The following ITM2C variants were observed in gnomAD, a reference collection of about 807,000 sequenced individuals.
The protein encoded by ITM2C is BRICHOS domain containing 2C.
A neutral mutation model predicts 30.0 loss-of-function variants in ITM2C; 20 were observed. The observed-to-expected ratio is 0.67, with a 90% CI of 0.47 to 0.97. The LOEUF (loss-of-function observed/expected upper bound fraction) is 0.97, where lower values mean the gene tolerates loss of function less well. Ranked by LOEUF, ITM2C falls within the 50% of genes least tolerant of loss-of-function variation. The pLI is 0.00. For synonymous variants in ITM2C, 167 were observed against 156.4 expected (o/e 1.07, Z -0.51); for missense variants, 366 against 371.9 (o/e 0.98, Z 0.13).
chr2:230,877,535 C>T lies in ITM2C; in HGVS notation c.697C>T (p.Arg233Trp), dbSNP rs769655575. The T allele has an allele frequency of 2.7e-5, 43 of 1,613,568 alleles. No homozygotes were observed. The highest frequency in any genetic ancestry group is 1.1e-4 in the East Asian group (5 of 44,900). The change falls in exon 5 of 6, where the codon CGG becomes TGG. Residue 233 changes from arginine (R) to tryptophan (W), a missense_variant. By Grantham distance (101) the Arg-to-Trp change is moderately radical (BLOSUM62 -3). Coordinates refer to ENST00000326427, the MANE Select transcript of ITM2C (RefSeq NM_030926.6). The surrounding 1 kb of genome is among the most constrained non-coding windows in gnomAD (Gnocchi z 4.8). The part of the protein sequence containing the change: ...NGKDTYRLRR[R>W]ATRRRINKRG... ...GAAAGACACCTACCGGCTCCGGCGCCGGGCAACGCGGAGGCGTGAGTGGCT... is the reference window on the plus strand; with the variant it reads ...GAAAGACACCTACCGGCTCCGGCGCTGGGCAACGCGGAGGCGTGAGTGGCT...
intron 1 of ITM2C, among the ~76,000 whole-genome samples, chr2:230,872,916 C>T (rs1329810116): frequency 6.6e-6 from 1 of 152,134 alleles, no homozygotes; most frequent in Non-Finnish European, 1.5e-5. Flanking sequence ...TGGATCTTGT[C>T]ACTCCCCAGC....
chr2:230,875,034 CT>C (rs1559157782), intron 2 of ITM2C, among the ~76,000 whole-genome samples: 1 of 151,944 alleles, frequency 6.6e-6, no homozygotes, highest in Non-Finnish European at 1.5e-5. Flanking sequence ...TTGCCTCCAG[CT>C]CCACCTCCCC....
chr2:230,875,514 G>T (rs959387468), intron 2 of ITM2C, 106 bp from the exon 3 acceptor site: 17 of 966,084 alleles, frequency 1.8e-5, no homozygotes, highest in Middle Eastern at 3.5e-4. Flanking sequence ...TCTTGCTTCC[G>T]CAGGCTTTTG....
chr2:230,876,605 C>T (rs1252237475), intron 3 of ITM2C, among the ~76,000 whole-genome samples: 2 of 152,192 alleles, frequency 1.3e-5, no homozygotes, highest in Non-Finnish European at 2.9e-5. Context: ...CCTCAGCCCC[C>T]CGAGTAGCTG....
Position 230,877,416 on chromosome 2 carries a change from C to A in ITM2C, c.578C>A (p.Pro193Gln), listed in dbSNP as rs780501462. ...GTTTTGCAGAGGGGGACCTACCTGC[C>A]GCAGACGTACATCATCCAGGAGGAG... Reference protein sequence around the residue: ...LMNVKRGTYLPQTYIIQEEMV... With the variant: ...LMNVKRGTYLQQTYIIQEEMV... The change falls in exon 5 of 6, where the codon CCG (proline) becomes CAG (glutamine). Residue 193 changes from proline (P) to glutamine (Q), a missense_variant. Transcript: ENST00000326427. The surrounding 1 kb of genome is among the most constrained non-coding windows in gnomAD (Gnocchi z 4.8). 3 of 1,613,732 alleles carry A rather than the reference C, an allele frequency of 1.9e-6. No homozygotes were observed. Among genetic ancestry groups the A allele is most frequent in the Non-Finnish European group, 2.5e-6 (3 of 1,179,958 alleles).
rs755456944 is a variant in ITM2C, at chr2:230,873,530, C to T, written c.234C>T (p.Tyr78=). Residue 78 remains tyrosine, a synonymous_variant, in exon 2 of 6, where the codon TAC becomes TAT. Coordinates refer to ENST00000326427, the MANE Select transcript of ITM2C (RefSeq NM_030926.6). ...TGGGCCTCGTGTTCGCCTCTGTCTACATCTACAGATACTTCTTCCTTGCGC... is the reference window on the plus strand; with the variant it reads ...TGGGCCTCGTGTTCGCCTCTGTCTATATCTACAGATACTTCTTCCTTGCGC... ...LLMGLVFASV[Y]IYRYFFLAQL... The T allele has an allele frequency of 1.9e-5, 30 of 1,609,386 alleles. No homozygotes were observed. The highest frequency in any genetic ancestry group is 2.5e-5 in the Non-Finnish European group (29 of 1,178,276).
intron 3 of ITM2C, 77 bp from the exon 4 acceptor site, chr2:230,876,780 G>A (rs766091097): frequency 1.1e-5 from 11 of 980,988 alleles, no homozygotes; most frequent in Non-Finnish European, 1.6e-5. Flanking sequence ...GCGCCTGGCT[G>A]GCCAAAGCTT....
intron 1 of ITM2C, among the ~76,000 whole-genome samples, chr2:230,871,338 T>C (rs898145126): frequency 2.6e-5 from 4 of 152,250 alleles, no homozygotes; most frequent in Non-Finnish European, 4.4e-5. Context: ...AGGGCATCCC[T>C]GGTGCCTGGT....
At position 230,865,333 on chromosome 2, in the gene ITM2C, G is replaced by C. The variant is rs1030830401; in HGVS notation, c.120+188G>C. 54 of 565,364 alleles carry C rather than the reference G, an allele frequency of 9.6e-5. No individual in the cohort carries two copies. The highest frequency in any genetic ancestry group is 1.3e-4 in the Non-Finnish European group (51 of 378,654). The allele number at this position is 565,364 out of a possible 1,614,324, so 35.0% of individuals were successfully genotyped here. On this transcript the variant is annotated intron_variant, in intron 1 of 5. Coordinates refer to ENST00000326427, the MANE Select transcript of ITM2C (RefSeq NM_030926.6). The surrounding 1 kb of genome is among the most constrained non-coding windows in gnomAD (Gnocchi z 6.8). ...GGGGGCTTAAGTCCCGTACTAAAGC[G>C]GCAGCCAAAAGCTGAAGTCCGAAGA...
At chr2:230,874,295 C>T (rs1364928520) in intron 2 of ITM2C, among the ~76,000 whole-genome samples, 1 of 152,184 alleles carries the variant, frequency 6.6e-6, no homozygotes, top group Non-Finnish European at 1.5e-5. Context: ...GAAGAGTTTG[C>T]ATTCACGGGG....
At chr2:230,874,682 G>A (rs1001969945) in intron 2 of ITM2C, among the ~76,000 whole-genome samples, 21 of 152,174 alleles carry the variant, frequency 1.4e-4, no homozygotes, top group Admixed American at 1.4e-3. Context: ...CCCATGCTGC[G>A]ATGACGCATC....
intron 3 of ITM2C, among the ~76,000 whole-genome samples, chr2:230,876,600 G>GC (rs924113596): frequency 7.2e-5 from 11 of 152,222 alleles, no homozygotes; most frequent in African/African-American, 1.4e-4. Context: ...TCCCGCCTCA[G>GC]CCCCCCGAGT....
At chr2:230,868,330 G>A (rs956229625) in intron 1 of ITM2C, among the ~76,000 whole-genome samples, 11 of 152,190 alleles carry the variant, frequency 7.2e-5, no homozygotes, top group East Asian at 1.9e-4. Context: ...GGGCTGGACC[G>A]GAAGCACCCC....
chr2:230,875,236 CCCCTTTT>C (rs1424049506), intron 2 of ITM2C, among the ~76,000 whole-genome samples: 15 of 152,190 alleles, frequency 9.9e-5, no homozygotes, highest in African/African-American at 3.4e-4. Flanking sequence ...TGCTGGGCCA[CCCCTTTT>C]CCCAGTCACC....
upstream of ITM2C, chr2:230,864,656 T>C (rs564106772): frequency 1.4e-3 from 216 of 154,770 alleles, no homozygotes; most frequent in Non-Finnish European, 2.3e-3. This position sits in a 1 kb window ranked among gnomAD's most constrained non-coding sequence, Gnocchi z 4.3. Flanking sequence ...GCGAAGGGAT[T>C]ATGCTACGGA....
At chr2:230,871,636 A>G (rs961940870) in intron 1 of ITM2C, among the ~76,000 whole-genome samples, 1 of 152,220 alleles carries the variant, frequency 6.6e-6, no homozygotes, top group African/African-American at 2.4e-5. Flanking sequence ...CGGCCTCCTC[A>G]TGGGCCAGGC....
chr2:230,871,821 T>C (rs1177295070), intron 1 of ITM2C, among the ~76,000 whole-genome samples: 4 of 152,320 alleles, frequency 2.6e-5, no homozygotes. Flanking sequence ...TTTTCTGTCC[T>C]TTTCCTAAGC....
Position 230,865,056 on chromosome 2 carries a change from G to T in ITM2C, c.31G>T (p.Ala11Ser), listed in dbSNP as rs771158107. ...GAAGATTAGCTTCCAGCCCGCCGTG[G>T]CTGGCATCAAGGGCGACAAGGCTGA... MVKISFQPAV[A>S]GIKGDKADKA... Residue 11 changes from alanine to serine, a missense_variant, in exon 1 of 6, where the codon GCT becomes TCT. By Grantham distance (99) the Ala-to-Ser change is moderately conservative. Coordinates refer to ENST00000326427, the MANE Select transcript of ITM2C (RefSeq NM_030926.6). This position sits in a 1 kb window ranked among gnomAD's most constrained non-coding sequence, Gnocchi z 6.8. 3 of 1,527,710 alleles carry T rather than the reference G, an allele frequency of 2.0e-6. No individual in the cohort carries two copies. The highest frequency in any genetic ancestry group is 3.8e-5 in the Admixed American group (2 of 52,618). 94.6% of individuals were successfully genotyped at this position (1,527,710 alleles called of 1,614,324 possible). A position where few individuals can be genotyped will look rare whatever the true frequency, so the allele number is the denominator to read the frequency against.
chr2:230,878,062 C>A lies in ITM2C; in HGVS notation c.767C>A (p.Thr256Asn), dbSNP rs746113683. The A allele has an allele frequency of 1.2e-6, 2 of 1,605,750 alleles. No individual in the cohort carries two copies. The highest frequency in any genetic ancestry group is 1.7e-4 in the Middle Eastern group (1 of 6,018). The change falls in exon 6 of 6, where the codon ACC becomes AAC. Residue 256 changes from threonine to asparagine, a missense_variant. Thr to Asn is a moderately conservative substitution (Grantham distance 65). Transcript: ENST00000326427. The surrounding 1 kb of genome is among the most constrained non-coding windows in gnomAD (Gnocchi z 4.5). Reference protein sequence around the residue: ...NCNAIRHFENTFVVETLICGV... With the variant: ...NCNAIRHFENNFVVETLICGV... ...AATGCCATCCGCCACTTCGAGAACA[C>A]CTTCGTGGTGGAGACGCTCATCTGC...
Sources: gnomAD v4.1 joint callset for allele counts (sites outside exome capture counted in the v4.1 genomes callset) on GRCh38, gnomAD v4.1.1 for gene constraint, Gnocchi (gnomAD v3.1) non-coding constraint, MANE v1.5 for transcripts, NCBI Gene and HGNC (gene_info 2026-07-23, HGNC 2026-07-21) for gene names.